Variants in ANKS1B observed in about 807,000 individuals in gnomAD.
ANKS1B encodes the protein ankyrin repeat and sterile alpha motif domain containing 1B, also known as ankyrin repeat and sterile alpha motif domain-containing protein 1B.
Under a neutral mutation model 148.3 loss-of-function variants are expected in ANKS1B, and 36 were observed. The observed-to-expected ratio is 0.24, with a 90% CI of 0.19 to 0.32. The LOEUF (loss-of-function observed/expected upper bound fraction) is 0.32. ANKS1B is among the 10% of genes least tolerant of loss of function. ANKS1B has a pLI of 1.00. For synonymous variants in ANKS1B, 542 were observed against 560.8 expected (o/e 0.97, Z 0.47); for missense variants, 1,157 against 1,542.6 (o/e 0.75, Z 4.19).
At chr12:99,167,476 A>T (rs954213673) in intron 14 of ANKS1B, among the ~76,000 whole-genome samples, 1 of 152,196 alleles carries the variant, frequency 6.6e-6, no homozygotes, top group African/African-American at 2.4e-5. Flanking sequence ...ATTTGAAAAG[A>T]GGCTCAACAT....
At chr12:99,433,311 C>T (rs536292319) in intron 11 of ANKS1B, among the ~76,000 whole-genome samples, 6 of 152,138 alleles carry the variant, frequency 3.9e-5, no homozygotes, top group East Asian at 3.9e-4. Context: ...TACACAAGTG[C>T]GCATTCCATT....
At chr12:99,392,310 G>A (rs1170543374) in intron 12 of ANKS1B, among the ~76,000 whole-genome samples, 1 of 152,230 alleles carries the variant, frequency 6.6e-6, no homozygotes, top group Non-Finnish European at 1.5e-5. Context: ...TCCCTGATCA[G>A]TGTGAGAGGC....
At chr12:99,130,378 T>C (rs542231344) in intron 15 of ANKS1B, among the ~76,000 whole-genome samples, 2 of 152,352 alleles carry the variant, frequency 1.3e-5, no homozygotes, top group East Asian at 3.9e-4. Context: ...GGTGGCATCA[T>C]GTATATTTTT....
intron 14 of ANKS1B, among the ~76,000 whole-genome samples, chr12:99,212,290 T>C (rs75556850): frequency 0.047 from 7,144 of 152,242 alleles, 229 homozygotes; most frequent in Non-Finnish European, 0.068. Context: ...AGTCCTATTA[T>C]TTCAAATTCC....
chr12:98,791,956 C>A (rs2098869769), intron 22 of ANKS1B, among the ~76,000 whole-genome samples: 1 of 152,142 alleles, frequency 6.6e-6, no homozygotes, highest in Admixed American at 6.5e-5. Flanking sequence ...GTTTTCCAAC[C>A]CATTCCCTCT....
intron 15 of ANKS1B, among the ~76,000 whole-genome samples, chr12:99,114,399 T>C (rs1034204782): frequency 1.1e-4 from 16 of 152,128 alleles, no homozygotes; most frequent in South Asian, 2.1e-4. Context: ...AACTACAGAA[T>C]GGAAGAAAAT....
chr12:99,018,359 G>A (rs534730835), intron 17 of ANKS1B, among the ~76,000 whole-genome samples: 1 of 152,296 alleles, frequency 6.6e-6, no homozygotes, highest in Admixed American at 6.5e-5. Flanking sequence ...GGAAACTACT[G>A]TTGGTGCCCT....
intron 14 of ANKS1B, chr12:99,154,704 G>A (rs1285462121): frequency 6.3e-6 from 9 of 1,436,174 alleles, no homozygotes; most frequent in East Asian, 2.5e-5. Context: ...GGCATATCAA[G>A]CTGTCAGCTT....
intron 1 of ANKS1B, among the ~76,000 whole-genome samples, chr12:99,836,967 G>A (rs536649145): frequency 3.6e-4 from 55 of 152,182 alleles, no homozygotes; most frequent in African/African-American, 1.2e-3. Flanking sequence ...TCTCTGGAAC[G>A]TGTGCATATT....
chr12:99,783,212 A>AAAAAG (rs1186536181), intron 4 of ANKS1B, among the ~76,000 whole-genome samples: 1 of 151,534 alleles, frequency 6.6e-6, no homozygotes, highest in Non-Finnish European at 1.5e-5. Flanking sequence ...AAAAGAAAAG[A>AAAAAG]AAAAGAAAAG....
chr12:99,291,984 T>C (rs1372925139), intron 12 of ANKS1B, among the ~76,000 whole-genome samples: 1 of 152,202 alleles, frequency 6.6e-6, no homozygotes, highest in Admixed American at 6.5e-5. Context: ...ATCCCTTCTT[T>C]ACACCTTATA....
intron 9 of ANKS1B, among the ~76,000 whole-genome samples, chr12:99,595,180 A>G: frequency 6.6e-6 from 1 of 151,952 alleles, no homozygotes; most frequent in Non-Finnish European, 1.5e-5. Context: ...AAATGTAAGA[A>G]CTTTATAAAT....
At chr12:99,706,199 A>G (rs2055739924) in intron 8 of ANKS1B, among the ~76,000 whole-genome samples, 1 of 152,070 alleles carries the variant, frequency 6.6e-6, no homozygotes, top group African/African-American at 2.4e-5. Context: ...ATGTCAATAG[A>G]TAATGTCTAA....
At chr12:99,305,846 C>T (rs976600917) in intron 12 of ANKS1B, among the ~76,000 whole-genome samples, 2 of 152,156 alleles carry the variant, frequency 1.3e-5, no homozygotes. Flanking sequence ...AATATTCAGA[C>T]TCCAGTAATG....
Position 99,438,634 on chromosome 12 carries a change from A to C in ANKS1B, c.1575+5039T>G, listed in dbSNP as rs1178931341. Among the ~76,000 whole-genome samples the C allele has an allele frequency of 2.0e-5, 3 of 151,894 alleles. No homozygotes were observed. In the East Asian group the frequency reaches 5.8e-4, roughly 29 times the overall value. ...ATTCTTTATCCAAAGTGTCTCTTGC[A>C]CCAAAGACTACATAAAATGTATAAA... On this transcript the variant is annotated intron_variant, in intron 11 of 26. Transcript: ENST00000683438.
At chr12:99,607,209 G>A (rs753351878) in intron 9 of ANKS1B, among the ~76,000 whole-genome samples, 1 of 152,058 alleles carries the variant, frequency 6.6e-6, no homozygotes, top group Non-Finnish European at 1.5e-5. Context: ...CTCCTTCCCA[G>A]ACCCCAGAAT....
chr12:99,158,769 C>T (rs1349094866), intron 14 of ANKS1B, among the ~76,000 whole-genome samples: 1 of 152,196 alleles, frequency 6.6e-6, no homozygotes, highest in African/African-American at 2.4e-5. Context: ...CCCCTCCTTC[C>T]CTGCAACTCA....
At chr12:99,720,063 T>C (rs1335604068) in intron 8 of ANKS1B, among the ~76,000 whole-genome samples, 1 of 152,208 alleles carries the variant, frequency 6.6e-6, no homozygotes, top group Non-Finnish European at 1.5e-5. Context: ...TCATAACCTC[T>C]TCCATGTAGG....
chr12:99,026,725 G>A (rs1013294940), intron 17 of ANKS1B, among the ~76,000 whole-genome samples: 2 of 152,098 alleles, frequency 1.3e-5, no homozygotes, highest in African/African-American at 4.8e-5. Flanking sequence ...TTGCAACCAA[G>A]AACTTAAATG....
Sources: gnomAD v4.1 joint callset for allele counts (sites outside exome capture counted in the v4.1 genomes callset) on GRCh38, gnomAD v4.1.1 for gene constraint, MANE v1.5 for transcripts, NCBI Gene and HGNC (gene_info 2026-07-23, HGNC 2026-07-21) for gene names.